HRH4: variants seen among roughly 807,000 people sequenced by gnomAD.
The protein encoded by HRH4 is histamine receptor H4, also known as histamine H4 receptor.
In HRH4, 12 loss-of-function variants were observed where a neutral mutation model predicts 10.4. That is an observed-to-expected ratio of 1.15 (90% confidence interval 0.74 to 1.87). The LOEUF (loss-of-function observed/expected upper bound fraction) is 1.87. HRH4 is among the 40% of genes most tolerant of loss of function. HRH4 has a pLI of 0.00. For synonymous variants in HRH4, 154 were observed against 166.6 expected, an observed-to-expected ratio of 0.92 and a Z score of 0.58; for missense variants, 415 against 453.3, an observed-to-expected ratio of 0.92 and a Z score of 0.77.
intron 2 of HRH4, 137 bp downstream of exon 2, chr18:24,469,088 G>A (rs1909864766): frequency 3.2e-6 from 2 of 627,442 alleles, no homozygotes; most frequent in South Asian, 2.4e-5. Flanking sequence ...TTTGTTGTCT[G>A]GCATAAAGTT....
intron 1 of HRH4, among the ~76,000 whole-genome samples, chr18:24,467,189 G>A (rs567057920): frequency 1.3e-5 from 2 of 152,290 alleles, no homozygotes; most frequent in Admixed American, 6.5e-5. Flanking sequence ...GGTGACATTT[G>A]CAATGCACAC....
chr18:24,476,317 A>G (rs1039406421), intron 2 of HRH4, among the ~76,000 whole-genome samples: 1 of 152,138 alleles, frequency 6.6e-6, no homozygotes, highest in Admixed American at 6.5e-5. Context: ...AAGAACACCT[A>G]CCCTCACTAT....
rs922537246 is a variant in HRH4 at position 24,467,491 on chromosome 18, C to A, written c.194-1297C>A. Among the ~76,000 whole-genome samples the A allele has an allele frequency of 2.6e-5, 4 of 152,144 alleles. No homozygotes were observed. The East Asian group carries it at 7.7e-4, about 29-fold the overall frequency. ...AAGAAAGAGGGCATGGAGGAGGTCA[C>A]TTTTTGGCCTCAGTGAAAAATGAGA... is the stretch of plus-strand genomic sequence containing the variant. On this transcript the variant is annotated intron_variant, in intron 1 of 2. Transcript: ENST00000256906.
intron 2 of HRH4, among the ~76,000 whole-genome samples, chr18:24,474,192 TTG>T (rs1400481138): frequency 6.6e-6 from 1 of 152,190 alleles, no homozygotes; most frequent in African/African-American, 2.4e-5. Context: ...CATCTGGGTA[TTG>T]TTACCATCTT....
intron 2 of HRH4, among the ~76,000 whole-genome samples, chr18:24,473,171 A>G (rs1002466227): frequency 9.2e-5 from 14 of 152,164 alleles, no homozygotes; most frequent in Admixed American, 3.3e-4. Flanking sequence ...AAAAGTACAA[A>G]AAAGTATACA....
intron 2 of HRH4, among the ~76,000 whole-genome samples, chr18:24,470,667 C>A (rs1046116285): frequency 2.0e-5 from 3 of 151,530 alleles, no homozygotes; most frequent in African/African-American, 7.3e-5. Context: ...CCATGCCTGG[C>A]TAATTTTTGT....
chr18:24,469,982 G>T (rs1342012185), intron 2 of HRH4, among the ~76,000 whole-genome samples: 2 of 152,026 alleles, frequency 1.3e-5, no homozygotes, highest in Non-Finnish European at 2.9e-5. Flanking sequence ...TATTTTTGAC[G>T]AGCATAGTCA....
intron 2 of HRH4, among the ~76,000 whole-genome samples, chr18:24,470,929 T>A (rs1439576884): frequency 1.1e-5 from 1 of 93,836 alleles, no homozygotes; most frequent in Non-Finnish European, 2.2e-5. Context: ...GAGCAAGGGA[T>A]TTTTTTTTTT....
In HRH4 at chr18:24,477,178, A is replaced by G. The variant is rs1043387035; in HGVS notation, c.789A>G (p.Ser263=). 3.1e-6 allele frequency: 5 copies of G among 1,614,194 alleles called. No individual in the cohort carries two copies. Among genetic ancestry groups the G allele is most frequent in the Non-Finnish European group, 4.2e-6 (5 of 1,180,040 alleles). The change falls in exon 3 of 3, where the codon TCA becomes TCG. Residue 263 remains serine (S), a synonymous_variant. Transcript: ENST00000256906. ...QRRKSSLMFS[S]RTKMNSNTIA... is the part of the protein sequence containing the mutation. ...GAAAGAGTAGTCTCATGTTTTCCTC[A>G]AGAACCAAGATGAATAGCAATACAA...
intron 2 of HRH4, among the ~76,000 whole-genome samples, chr18:24,471,126 T>C (rs17203328): frequency 0.039 from 5,866 of 151,908 alleles, 180 homozygotes; most frequent in Non-Finnish European, 0.059. Flanking sequence ...CATCGCATAC[T>C]TCATTGGCGC....
intron 1 of HRH4, among the ~76,000 whole-genome samples, chr18:24,465,269 CAG>C (rs1389339710): frequency 1.3e-5 from 2 of 152,020 alleles, no homozygotes; most frequent in Admixed American, 6.6e-5. Flanking sequence ...ACTTGGGTGA[CAG>C]AGCCAGACTG....
chr18:24,460,965 A>C (rs1161872625), intron 1 of HRH4, 44 bp downstream of exon 1: 1 of 1,297,044 alleles, frequency 7.7e-7, no homozygotes, highest in East Asian at 2.4e-5. Context: ...TCCGATTTTA[A>C]TTTATTTCTA....
chr18:24,472,701 A>G (rs1910004952), intron 2 of HRH4, among the ~76,000 whole-genome samples: 1 of 152,154 alleles, frequency 6.6e-6, no homozygotes, highest in African/African-American at 2.4e-5. Context: ...TGGAAATCTG[A>G]CAATAATTTG....
intron 1 of HRH4, among the ~76,000 whole-genome samples, 195 bp downstream of exon 1, chr18:24,461,116 T>C (rs1320246072): frequency 1.3e-5 from 2 of 152,152 alleles, no homozygotes; most frequent in African/African-American, 4.8e-5. Flanking sequence ...ATCAGTGTGG[T>C]AGGGGAATTT....
intron 2 of HRH4, among the ~76,000 whole-genome samples, chr18:24,474,836 C>T (rs949266952): frequency 6.6e-6 from 1 of 151,946 alleles, no homozygotes; most frequent in Non-Finnish European, 1.5e-5. Flanking sequence ...CAGGTGCGAG[C>T]CACCATGCCA....
Position 24,477,027 on chromosome 18 carries a change from A to G in HRH4, c.638A>G (p.His213Arg), listed in dbSNP as rs1488326922. 3 of 1,614,102 alleles carry G rather than the reference A, an allele frequency of 1.9e-6. No homozygotes were observed. The highest frequency in any genetic ancestry group is 1.3e-5 in the African/African-American group (1 of 74,942). Residue 213 changes from histidine to arginine, a missense_variant, in exon 3 of 3, where the codon CAT becomes CGT. Coordinates refer to ENST00000256906, the MANE Select transcript of HRH4 (RefSeq NM_021624.4). ...GATCATCTCAGTAGGTGCCAAAGCC[A>G]TCCTGGACTGACTGCTGTCTCTTCC... is the stretch of plus-strand genomic sequence containing the variant. ...KRDHLSRCQSHPGLTAVSSNI... is the reference protein window; with the variant it reads ...KRDHLSRCQSRPGLTAVSSNI...
At chr18:24,471,828 A>G (rs1044318082) in intron 2 of HRH4, among the ~76,000 whole-genome samples, 2 of 151,838 alleles carry the variant, frequency 1.3e-5, no homozygotes, top group East Asian at 3.9e-4. Context: ...TACTTTCAAA[A>G]TTTCCTTTCT....
intron 2 of HRH4, 117 bp from the exon 3 acceptor site, chr18:24,476,630 C>G: frequency 1.3e-6 from 1 of 745,854 alleles, no homozygotes; most frequent in Non-Finnish European, 2.2e-6. Context: ...TCGTGATACC[C>G]AGGTTAGTTA....
Position 24,477,625 on chromosome 18 carries a change from C to CCTG in HRH4, c.*63_*64insCTG. 1 of 1,136,340 alleles carries CCTG rather than the reference C, an allele frequency of 8.8e-7. No individual in the cohort carries two copies. The highest frequency in any genetic ancestry group is 1.6e-5 in the South Asian group (1 of 64,078). The allele number at this position is 1,136,340 out of a possible 1,614,324, so 70.4% of individuals were successfully genotyped here. A position where few individuals can be genotyped will look rare whatever the true frequency, so the allele number is the denominator to read the frequency against. The stretch of plus-strand genomic sequence containing the variant: ...CTCACCTAAATGAATCAGGTCTGCC[C>CCTG]TTTATCTTGCCCTTTTCATTCTACC... On this transcript the variant is annotated 3_prime_UTR_variant, in exon 3 of 3. Coordinates refer to ENST00000256906, the MANE Select transcript of HRH4 (RefSeq NM_021624.4).
Sources: allele counts gnomAD v4.1 joint callset (sites outside exome capture counted in the v4.1 genomes callset), GRCh38; gene constraint gnomAD v4.1.1; transcripts MANE v1.5; gene names NCBI Gene and HGNC (gene_info 2026-07-23, HGNC 2026-07-21).